PPTC7: variants seen among roughly 807,000 people sequenced by gnomAD.
PPTC7 encodes protein phosphatase targeting COQ7.
A neutral mutation model predicts 30.8 loss-of-function variants in PPTC7; 6 were observed. The ratio of observed to expected loss-of-function variants is 0.19; its 90% CI spans 0.11 to 0.38. PPTC7 has a LOEUF of 0.38. Ranked by LOEUF, PPTC7 falls within the 10% of genes least tolerant of loss-of-function variation. The pLI, the probability that PPTC7 is intolerant of heterozygous loss-of-function variation, is 1.00. For synonymous variants in PPTC7, 163 were observed against 168.1 expected, an observed-to-expected ratio of 0.97 and a Z score of 0.23; for missense variants, 218 against 404.8, an observed-to-expected ratio of 0.54 and a Z score of 3.96.
chr12:110,574,842 G>A (rs1445593614), intron 1 of PPTC7, among the ~76,000 whole-genome samples: 2 of 151,790 alleles, frequency 1.3e-5, no homozygotes, highest in African/African-American at 2.4e-5. Flanking sequence ...GCAGTGGCAC[G>A]ATCTCGGGTC....
intron 4 of PPTC7, among the ~76,000 whole-genome samples, chr12:110,538,934 C>G (rs2064237433): frequency 6.6e-6 from 1 of 152,182 alleles, no homozygotes; most frequent in African/African-American, 2.4e-5. Context: ...ATTTAGCACC[C>G]ACATTACATC....
At position 110,582,905 on chromosome 12, in the gene PPTC7, A is replaced by G. The variant is rs1371833760; in HGVS notation, c.127T>C (p.Phe43Leu). The G allele has an allele frequency of 6.4e-7, 1 of 1,551,024 alleles. No homozygotes were observed. The highest frequency in any genetic ancestry group is 8.7e-7 in the Non-Finnish European group (1 of 1,147,712). ...DYGLVTAGCG[F>L]GKDFRKGLLK... The stretch of plus-strand genomic sequence containing the variant: ...AGGCCCTTACGGAAGTCCTTCCCGA[A>G]GCCGCAGCCGGCCGTCACCAGTCCG... Residue 43 changes from phenylalanine to leucine, a missense_variant, in exon 1 of 6, where the codon TTC becomes CTC. By Grantham distance (22) the Phe-to-Leu change is conservative. Transcript: ENST00000354300.
intron 2 of PPTC7, chr12:110,546,361 G>C: frequency 7.3e-6 from 3 of 408,594 alleles, no homozygotes; most frequent in Non-Finnish European, 1.3e-5. Flanking sequence ...AAAATGACTG[G>C]TATTTAATCA....
rs150652104 is a variant in PPTC7, at chr12:110,576,677, A to G, written c.223+6132T>C. Among the ~76,000 whole-genome samples the G allele has an allele frequency of 6.8e-3, 1,043 of 152,308 alleles. 1 individual carries two copies. Among genetic ancestry groups the G allele is most frequent in the Non-Finnish European group, 9.4e-3 (637 of 68,024 alleles). The stretch of plus-strand genomic sequence containing the variant: ...ATGTCTCAAACACAAATCCACAGAC[A>G]GAATCTGCTTTCTGTTGCCAGGGAG... On this transcript the variant is annotated intron_variant, in intron 1 of 5. Coordinates refer to ENST00000354300, the MANE Select transcript of PPTC7 (RefSeq NM_139283.2).
intron 1 of PPTC7, among the ~76,000 whole-genome samples, chr12:110,575,750 A>G (rs2064584266): frequency 6.6e-6 from 1 of 152,106 alleles, no homozygotes; most frequent in Admixed American, 6.6e-5. Context: ...TTCAACCAGA[A>G]TCCTTTACAG....
chr12:110,560,178 T>C (rs898150795), intron 1 of PPTC7, among the ~76,000 whole-genome samples: 1 of 152,124 alleles, frequency 6.6e-6, no homozygotes, highest in East Asian at 1.9e-4. Context: ...GGTAGGAGGA[T>C]TGTTTGAGCC....
intron 4 of PPTC7, 134 bp downstream of exon 4, chr12:110,539,688 A>G: frequency 6.2e-6 from 5 of 806,166 alleles, no homozygotes; most frequent in Non-Finnish European, 9.5e-6. Context: ...GAAAGACCAG[A>G]GCTATTATTA....
chr12:110,553,446 C>A (rs2064364190), intron 1 of PPTC7, among the ~76,000 whole-genome samples: 1 of 151,914 alleles, frequency 6.6e-6, no homozygotes, highest in Non-Finnish European at 1.5e-5. Flanking sequence ...GCCCGGCCCC[C>A]AAAATCTCTA....
intron 1 of PPTC7, among the ~76,000 whole-genome samples, chr12:110,553,071 T>C (rs2064360731): frequency 6.6e-6 from 1 of 151,900 alleles, no homozygotes; most frequent in East Asian, 2.0e-4. Context: ...AAATCCCAGC[T>C]ACTCAGGAGG....
At chr12:110,573,474 T>C (rs1238808123) in intron 1 of PPTC7, among the ~76,000 whole-genome samples, 2 of 152,168 alleles carry the variant, frequency 1.3e-5, no homozygotes, top group East Asian at 3.9e-4. Flanking sequence ...TTGCACACTG[T>C]TGCAACTTTT....
At chr12:110,540,999 T>A (rs1159519697) in intron 3 of PPTC7, among the ~76,000 whole-genome samples, 6 of 151,198 alleles carry the variant, frequency 4.0e-5, no homozygotes, top group Non-Finnish European at 8.9e-5. Context: ...ATGGTCTTGA[T>A]CTCCTGACCT....
At chr12:110,537,166 A>C (rs2064224628) in intron 5 of PPTC7, 71 bp from the exon 6 acceptor site, 1 of 1,219,502 alleles carries the variant, frequency 8.2e-7, no homozygotes, top group Admixed American at 1.7e-5. Flanking sequence ...TACTTAAATT[A>C]AGTACTAGGA....
chr12:110,539,731 A>G, intron 4 of PPTC7, 91 bp downstream of exon 4: 1 of 1,198,842 alleles, frequency 8.3e-7, no homozygotes, highest in Non-Finnish European at 1.2e-6. Context: ...GTTCTTTCCA[A>G]AACTACAAAG....
At chr12:110,564,153 C>T (rs1340093208) in intron 1 of PPTC7, among the ~76,000 whole-genome samples, 2 of 152,192 alleles carry the variant, frequency 1.3e-5, no homozygotes, top group Admixed American at 6.5e-5. Flanking sequence ...TTCTGGCCTG[C>T]AACAGTATCT....
intron 5 of PPTC7, among the ~76,000 whole-genome samples, chr12:110,537,384 T>A (rs2064226902): frequency 6.6e-6 from 1 of 152,134 alleles, no homozygotes; most frequent in Admixed American, 6.6e-5. Context: ...TCAATCACAG[T>A]GAATCTGACG....
At chr12:110,545,294 T>A (rs1302033353) in intron 3 of PPTC7, among the ~76,000 whole-genome samples, 1 of 152,154 alleles carries the variant, frequency 6.6e-6, no homozygotes, top group Non-Finnish European at 1.5e-5. Context: ...GGTTTCACCA[T>A]GTTGGCCAAG....
rs2064191360 is a variant in PPTC7, at chr12:110,533,679, A to G, written c.*3358T>C. On this transcript the variant is annotated 3_prime_UTR_variant, in exon 6 of 6. Coordinates refer to ENST00000354300, the MANE Select transcript of PPTC7 (RefSeq NM_139283.2). ...GAATGCTGTAGCTTCTACCAAAGAT[A>G]GCTGGTATTAAGGTGACCTAAAGAA... is the stretch of plus-strand genomic sequence containing the variant. 6.6e-6 allele frequency: 1 copy of G among 152,252 alleles called. No homozygotes were observed. The highest frequency in any genetic ancestry group is 1.5e-5 in the Non-Finnish European group (1 of 68,034). The allele number at this position is 152,252 out of a possible 1,614,324, so 9.4% of individuals were successfully genotyped here.
rs556126603 is a variant in PPTC7, at chr12:110,533,644, C to T, written c.*3393G>A. On this transcript the variant is annotated 3_prime_UTR_variant, in exon 6 of 6. Transcript: ENST00000354300. ...AAATGCAAAAATGTGATACAGTTTC[C>T]AGAGAAACTGAATGCTGTAGCTTCT... is the stretch of plus-strand genomic sequence containing the variant. 45 of 152,184 alleles carry T rather than the reference C, an allele frequency of 3.0e-4. No individual in the cohort carries two copies. Among genetic ancestry groups the T allele is most frequent in the African/African-American group, 1.1e-3 (44 of 41,496 alleles). The allele number at this position is 152,184 out of a possible 1,614,324, so 9.4% of individuals were successfully genotyped here.
chr12:110,549,127 C>T (rs1197668361), intron 2 of PPTC7, among the ~76,000 whole-genome samples: 1 of 152,144 alleles, frequency 6.6e-6, no homozygotes, highest in Admixed American at 6.5e-5. Context: ...TACTACTAAG[C>T]CTTTTGTATG....
Sources: allele counts gnomAD v4.1 joint callset (sites outside exome capture counted in the v4.1 genomes callset), GRCh38; gene constraint gnomAD v4.1.1; transcripts MANE v1.5; gene names NCBI Gene and HGNC (gene_info 2026-07-23, HGNC 2026-07-21).